The following EYS variants were observed in gnomAD, a reference collection of about 807,000 sequenced individuals.
EYS encodes the protein EGF-like photoreceptor maintenance factor.
In EYS, 250 loss-of-function variants were observed where a neutral mutation model predicts 282.1. The observed-to-expected ratio is 0.89, with a 90% confidence interval of 0.80 to 0.98. The LOEUF (loss-of-function observed/expected upper bound fraction) is 0.98. Among genes scored for constraint, EYS ranks in the 50% least tolerant of loss-of-function variants. The probability of loss-of-function intolerance (pLI) is 0.00; values close to 1 mark genes in which losing one functional copy is unlikely to be tolerated. For missense variants in EYS, 4,016 were observed against 3,709.0 expected (o/e 1.08, Z -2.15); for synonymous variants, 1,355 against 1,282.9 (o/e 1.06, Z -1.20).
intron 13 of EYS, among the ~76,000 whole-genome samples, chr6:65,031,170 C>T (rs1772592038): frequency 7.5e-6 from 1 of 134,072 alleles, no homozygotes; most frequent in South Asian, 2.3e-4. Context: ...CACACACACG[C>T]ACATACACAC....
chr6:64,891,755 A>G (rs1433094529), intron 18 of EYS, among the ~76,000 whole-genome samples: 1 of 152,092 alleles, frequency 6.6e-6, no homozygotes, highest in African/African-American at 2.4e-5. Flanking sequence ...AAAGGTCCCT[A>G]AAGTATACCT....
intron 22 of EYS, among the ~76,000 whole-genome samples, chr6:64,670,402 A>AAAATAAAT (rs60435635): frequency 0.066 from 9,595 of 145,366 alleles, 407 homozygotes; most frequent in African/African-American, 0.11. Context: ...GAAGTGGCCC[A>AAAATAAAT]AAATAAATAA....
At chr6:65,239,127 A>C (rs1180451701) in intron 12 of EYS, among the ~76,000 whole-genome samples, 2 of 152,026 alleles carry the variant, frequency 1.3e-5, no homozygotes, top group Non-Finnish European at 2.9e-5. Flanking sequence ...AAATGTGTAA[A>C]AATTAGTCTG....
chr6:65,685,696 G>A (rs764240520), intron 1 of EYS, among the ~76,000 whole-genome samples: 10 of 151,730 alleles, frequency 6.6e-5, no homozygotes, highest in African/African-American at 1.5e-4. Flanking sequence ...CCATTACAGC[G>A]AAATGTGTGT....
At chr6:65,608,247 A>T (rs354392) in intron 2 of EYS, among the ~76,000 whole-genome samples, 117,898 of 151,920 alleles carry the variant, frequency 0.78, 45,865 homozygotes, top group Middle Eastern at 0.82. Flanking sequence ...ACTACTGTAC[A>T]GAATACTGGA....
intron 22 of EYS, among the ~76,000 whole-genome samples, chr6:64,691,859 C>T (rs778386047): frequency 6.6e-6 from 1 of 152,132 alleles, no homozygotes; most frequent in Non-Finnish European, 1.5e-5. Flanking sequence ...GCATAGTATT[C>T]CAAGTGTATA....
In EYS at chr6:64,813,395, T is replaced by C. The variant is rs1373584107; in HGVS notation, c.3426A>G (p.Gly1142=). The C allele has an allele frequency of 5.2e-6, 8 of 1,547,440 alleles. 1 individual carries two copies. The highest frequency in any genetic ancestry group is 7.0e-6 in the Non-Finnish European group (8 of 1,144,644). The change falls in exon 22 of 43, where the codon GGA becomes GGG. Residue 1142 remains glycine, a synonymous_variant. Transcript: ENST00000503581. ...LNGGICVDGP[G]HTFDCRCLPG... ...ATACTGACCTGCAGTCAAAAGTATG[T>C]CCAGGCCCATCAACACAGATCCCTC...
At chr6:64,582,584 C>CT (rs34078680) in intron 26 of EYS, among the ~76,000 whole-genome samples, 76,661 of 139,508 alleles carry the variant, frequency 0.55, 20,654 homozygotes, top group South Asian at 0.63. Context: ...AATCCTTGGT[C>CT]TTTTTTTTTT....
In EYS at chr6:64,617,278, G is replaced by T. The variant is rs548039104; in HGVS notation, c.3684+140C>A. 1,722 of 624,070 alleles carry T rather than the reference G, an allele frequency of 2.8e-3. 9 individuals are homozygous for T. The highest frequency in any genetic ancestry group is 4.3e-3 in the Middle Eastern group (15 of 3,456). 38.7% of individuals were successfully genotyped at this position (624,070 alleles called of 1,614,324 possible). A position where few individuals can be genotyped will look rare whatever the true frequency, so the allele number is the denominator to read the frequency against. Reference sequence around the variant, plus strand: ...AAGGGAAAGAGGAATGCCGAGAAAAGTGTAGCGTGCACAGAGAAGGAGAGA... The same window carrying T: ...AAGGGAAAGAGGAATGCCGAGAAAATTGTAGCGTGCACAGAGAAGGAGAGA... On this transcript the variant is annotated intron_variant, in intron 24 of 42. Coordinates refer to ENST00000503581, the MANE Select transcript of EYS (RefSeq NM_001142800.2).
chr6:64,517,769 CAT>C (rs1437487928), intron 26 of EYS, among the ~76,000 whole-genome samples: 7 of 151,898 alleles, frequency 4.6e-5, no homozygotes, highest in Non-Finnish European at 2.9e-5. Flanking sequence ...CTCTAGCACA[CAT>C]GTTCTTCTAA....
In EYS at chr6:64,249,063, C is replaced by CAAAAAAAAAAAAAAAAAAAAAAAAAA. The variant is rs34663169; in HGVS notation, c.6192-18240_6192-18239insTTTTTTTTTTTTTTTTTTTTTTTTTT. Among the ~76,000 whole-genome samples, 11 of 70,054 alleles carry CAAAAAAAAAAAAAAAAAAAAAAAAAA rather than the reference C, an allele frequency of 1.6e-4. 1 individual carries two copies. The highest frequency in any genetic ancestry group is 4.2e-4 in the African/African-American group (6 of 14,224). 46.0% of individuals were successfully genotyped at this position (70,054 alleles called of 152,430 possible). A position where few individuals can be genotyped will look rare whatever the true frequency, so the allele number is the denominator to read the frequency against. ...TGGGCTACAGAGTGACACCCTGTCTCAAAAAAAAAAAAAAAAAAAAAAGAT... is the reference window on the plus strand; with the variant it reads ...TGGGCTACAGAGTGACACCCTGTCTCAAAAAAAAAAAAAAAAAAAAAAAAAAAAAAAAAAAAAAAAAAAAAAAAGAT... On this transcript the variant is annotated intron_variant, in intron 30 of 42. Transcript: ENST00000503581.
intron 19 of EYS, among the ~76,000 whole-genome samples, chr6:64,876,343 G>T (rs1183467219): frequency 6.6e-6 from 1 of 151,992 alleles, no homozygotes; most frequent in Non-Finnish European, 1.5e-5. Flanking sequence ...GGCAGCATGA[G>T]AAGAAAATTA....
intron 1 of EYS, among the ~76,000 whole-genome samples, chr6:65,699,183 G>A (rs956964219): frequency 2.0e-5 from 3 of 151,924 alleles, no homozygotes; most frequent in East Asian, 1.9e-4. Context: ...TTTAGATCAC[G>A]TCTATATTTC....
At chr6:64,682,675 G>T (rs1201594832) in intron 22 of EYS, among the ~76,000 whole-genome samples, 1 of 152,124 alleles carries the variant, frequency 6.6e-6, no homozygotes, top group Non-Finnish European at 1.5e-5. Flanking sequence ...CACCCTAAGG[G>T]AGTAGTATTG....
intron 8 of EYS, among the ~76,000 whole-genome samples, chr6:65,377,943 A>G (rs992018135): frequency 6.6e-6 from 1 of 152,212 alleles, no homozygotes; most frequent in Non-Finnish European, 1.5e-5. Context: ...GCCAAGGACC[A>G]GACGAATTCA....
In EYS at chr6:65,171,385, A is replaced by G. The variant is rs148565848; in HGVS notation, c.2024-113658T>C. ...ACAATGATTCTTGTATTAATTGCTG[A>G]TCTTCTTCAGAGGCTAAACCTTTAC... On this transcript the variant is annotated intron_variant, in intron 12 of 42. Coordinates refer to ENST00000503581, the MANE Select transcript of EYS (RefSeq NM_001142800.2). Among the ~76,000 whole-genome samples the G allele has an allele frequency of 4.1e-3, 626 of 151,672 alleles. 5 individuals are homozygous for G. The highest frequency in any genetic ancestry group is 0.014 in the African/African-American group (600 of 41,472).
At chr6:65,176,507 C>A (rs1765228717) in intron 12 of EYS, among the ~76,000 whole-genome samples, 1 of 151,412 alleles carries the variant, frequency 6.6e-6, no homozygotes, top group Non-Finnish European at 1.5e-5. Context: ...TTAAAAAAAA[C>A]TATAACAATA....
intron 29 of EYS, among the ~76,000 whole-genome samples, chr6:64,310,977 T>G (rs897631540): frequency 6.6e-6 from 1 of 152,078 alleles, no homozygotes; most frequent in Non-Finnish European, 1.5e-5. Context: ...ATTTCAAAGG[T>G]TCTTGTTTTT....
At chr6:65,152,622 T>A (rs920494927) in intron 12 of EYS, among the ~76,000 whole-genome samples, 45 of 151,874 alleles carry the variant, frequency 3.0e-4, no homozygotes, top group Non-Finnish European at 4.4e-4. Flanking sequence ...GAAAAATAAA[T>A]CTTTGCTATT....
Sources: gnomAD v4.1 joint callset for allele counts (sites outside exome capture counted in the v4.1 genomes callset) on GRCh38, gnomAD v4.1.1 for gene constraint, MANE v1.5 for transcripts, NCBI Gene and HGNC (gene_info 2026-07-23, HGNC 2026-07-21) for gene names.